Variants in PLEC observed in about 807,000 individuals in gnomAD.
The protein encoded by PLEC is plectin, also known as hemidesmosomal protein 1.
In PLEC, 216 loss-of-function variants were observed where a neutral mutation model predicts 392.8. That is an observed-to-expected ratio of 0.55 (90% CI 0.49 to 0.62). PLEC has a LOEUF of 0.62. PLEC is among the 20% of genes least tolerant of loss of function. PLEC has a pLI of 0.00. For synonymous variants in PLEC, 3,621 were observed against 2,980.6 expected (o/e 1.21, Z -7.00); for missense variants, 6,863 against 6,563.4 (o/e 1.05, Z -1.58).
rs1159883957 is a variant in PLEC, at chr8:143,933,467, C to T, written c.1264-116G>A. The T allele has an allele frequency of 4.9e-6, 6 of 1,224,906 alleles. No individual in the cohort carries two copies. In the African/African-American group the frequency reaches 8.9e-5, roughly 18 times the overall value. 75.9% of individuals were successfully genotyped at this position (1,224,906 alleles called of 1,614,324 possible). A position where few individuals can be genotyped will look rare whatever the true frequency, so the allele number is the denominator to read the frequency against. On this transcript the variant is annotated intron_variant, in intron 12 of 31. Transcript: ENST00000345136. ...CTCAGCCTCAGTGGGCCACTGCCTC[C>T]ATCCCTGTCCTTCCCCTTCCCTCCC...
chr8:143,975,984 C>G (rs2133011300), upstream of PLEC, among the ~76,000 whole-genome samples: 1 of 152,320 alleles, frequency 6.6e-6, no homozygotes, highest in Middle Eastern at 3.4e-3. This position sits in a 1 kb window ranked among gnomAD's most constrained non-coding sequence, Gnocchi z 9.9. Context: ...CCAAGCCCTT[C>G]CCCTGGACAC....
Position 143,938,622 on chromosome 8 carries a change from G to A in PLEC, c.174+9C>T, listed in dbSNP as rs1554725837. ...GCCCCTGTGACACGCACCAGCATGC[G>A]CCACCAACCTTGATGAGGTGCTTGT... On this transcript the variant is annotated intron_variant, in intron 2 of 31. Transcript: ENST00000345136. 14 of 1,612,720 alleles carry A rather than the reference G, an allele frequency of 8.7e-6. No individual in the cohort carries two copies. Among genetic ancestry groups the A allele is most frequent in the South Asian group, 4.4e-5 (4 of 91,062 alleles).
rs1416238155 is a variant in PLEC at position 143,917,719 on chromosome 8, G to A, written c.12102C>T (p.Ile4034=). 6.2e-7 allele frequency: 1 copy of A among 1,613,592 alleles called. No homozygotes were observed. Among genetic ancestry groups the A allele is most frequent in the Non-Finnish European group, 8.5e-7 (1 of 1,180,014 alleles). The change falls in exon 32 of 32, where the codon ATC becomes ATT. Residue 4034 remains isoleucine (I), a synonymous_variant. Transcript: ENST00000345136. ...SLFQAMKKGL[I]LKDHGIRLLE... ...GCAGGCGGATGCCATGGTCCTTCAG[G>A]ATCAGGCCCTTCTTCATGGCCTGGA...
Position 143,934,403 on chromosome 8 carries a change from G to T in PLEC, c.1084C>A (p.His362Asn). 1 of 1,612,316 alleles carries T rather than the reference G, an allele frequency of 6.2e-7. No individual in the cohort carries two copies. Among genetic ancestry groups the T allele is most frequent in the Non-Finnish European group, 8.5e-7 (1 of 1,179,900 alleles). The change falls in exon 11 of 32, where the codon CAC (histidine) becomes AAC (asparagine). Residue 362 changes from histidine (H) to asparagine (N), a missense_variant. His to Asn is a moderately conservative substitution (Grantham distance 68). Coordinates refer to ENST00000345136, the MANE Select transcript of PLEC (RefSeq NM_201384.3). ...CACTCCTTCTCCACATCCAGCGGGTGGTAGCCAGGGGGCACCTTGAGCTGG... is the reference window on the plus strand; with the variant it reads ...CACTCCTTCTCCACATCCAGCGGGTTGTAGCCAGGGGGCACCTTGAGCTGG... ...AGQLKVPPGY[H>N]PLDVEKEWGK...
upstream of PLEC, chr8:143,958,853 T>G: frequency 4.0e-6 from 1 of 250,514 alleles, no homozygotes; most frequent in Middle Eastern, 5.7e-4. This position sits in a 1 kb window ranked among gnomAD's most constrained non-coding sequence, Gnocchi z 4.9. Context: ...CACGAAGGTG[T>G]CACCACAGGA....
Position 143,916,327 on chromosome 8 carries a change from C to CCGGGAGCCGGTGCGCGAGCCGGTG in PLEC, c.13470_13493dup (p.Thr4491_Arg4498dup). ...CAAAGCTGCCGCGGCGGGAGCCGGC[C>CCGGGAGCCGGTGCGCGAGCCGGTG]CGGGAGCCGGTGCGCGAGCCGGTGC... On this transcript the variant is annotated inframe_insertion, in exon 32 of 32. Transcript: ENST00000345136. 6.3e-7 allele frequency: 1 copy of CCGGGAGCCGGTGCGCGAGCCGGTG among 1,590,956 alleles called. No individual in the cohort carries two copies. Among genetic ancestry groups the CCGGGAGCCGGTGCGCGAGCCGGTG allele is most frequent in the Non-Finnish European group, 8.5e-7 (1 of 1,171,090 alleles).
chr8:143,927,171 T>A, intron 28 of PLEC, 81 bp downstream of exon 28: 1 of 1,570,124 alleles, frequency 6.4e-7, no homozygotes, highest in Non-Finnish European at 8.8e-7. Context: ...TTCCCTGGCA[T>A]GGCCCAGGCT....
Position 143,919,248 on chromosome 8 carries a change from G to A in PLEC, c.10573C>T (p.Gln3525Ter), listed in dbSNP as rs781837529. The A allele has an allele frequency of 3.7e-6, 6 of 1,613,980 alleles. No homozygotes were observed. The highest frequency in any genetic ancestry group is 4.5e-5 in the East Asian group (2 of 44,870). The stretch of plus-strand genomic sequence containing the variant: ...TCCTCCACGCACCGCTCCAGCAGCT[G>A]CCTGTACGTGAGGTTCTCATGCGTG... ...PNTHENLTYR[Q>*]LLERCVEDPE... Residue 3525 changes from glutamine (Q) to a stop codon, truncating the protein, a stop_gained, in exon 32 of 32, where the codon CAG becomes TAG. Coordinates refer to ENST00000345136, the MANE Select transcript of PLEC (RefSeq NM_201384.3). LOFTEE classifies it high-confidence loss of function.
chr8:143,938,545 G>A, intron 2 of PLEC, 86 bp downstream of exon 2: 4 of 1,548,670 alleles, frequency 2.6e-6, no homozygotes, highest in Middle Eastern at 1.7e-4. Context: ...GCAGCATGGG[G>A]ACAGCCTTGG....
At chr8:143,938,787 GTC>G in intron 1 of PLEC, 95 bp from the exon 2 acceptor site, 1 of 1,103,024 alleles carries the variant, frequency 9.1e-7, no homozygotes, top group Non-Finnish European at 1.4e-6. Context: ...GGCTGGCCAG[GTC>G]CTGCCTGGGG....
At chr8:143,940,946 T>C (rs1830351174), upstream of PLEC, among the ~76,000 whole-genome samples, 1 of 152,202 alleles carries the variant, frequency 6.6e-6, no homozygotes, top group Non-Finnish European at 1.5e-5. Context: ...CCTCTTGCTC[T>C]GCCTGTCCGG....
upstream of PLEC, chr8:143,973,543 C>T: frequency 8.7e-7 from 1 of 1,148,516 alleles, no homozygotes; most frequent in Non-Finnish European, 1.1e-6. The surrounding 1 kb of genome is among the most constrained non-coding windows in gnomAD (Gnocchi z 5.6). Flanking sequence ...CCCGCGGCCG[C>T]GCGCGCCGCT....
upstream of PLEC, among the ~76,000 whole-genome samples, chr8:143,941,853 G>A (rs112112264): frequency 8.4e-3 from 1,282 of 152,184 alleles, 23 homozygotes; most frequent in African/African-American, 0.029. Context: ...CACCTGTGCT[G>A]TCCAGGGCTG....
chr8:143,959,792 T>G (rs371747231), intron 1 of PLEC, among the ~76,000 whole-genome samples: 130 of 151,624 alleles, frequency 8.6e-4, no homozygotes, highest in Non-Finnish European at 5.7e-4. Context: ...GTCAGGAGAT[T>G]GAGACCATCC....
Position 143,923,674 on chromosome 8 carries a change from C to G in PLEC, c.6255G>C (p.Ala2085=), listed in dbSNP as rs147916296. The G allele has an allele frequency of 6.4e-7, 1 of 1,553,094 alleles. No homozygotes were observed. The highest frequency in any genetic ancestry group is 8.7e-7 in the Non-Finnish European group (1 of 1,155,950). The change falls in exon 31 of 32, where the codon GCG becomes GCC. Residue 2085 remains alanine, a synonymous_variant. Coordinates refer to ENST00000345136, the MANE Select transcript of PLEC (RefSeq NM_201384.3). ...CCGCCTCCTCAGCCGCCCGCCGGGC[C>G]GCCTCCGCCTCGCCGCGCAGCTGGT... The part of the protein sequence containing the change: ...VLDQLRGEAE[A]ARRAAEEAEE...
At position 143,950,204 on chromosome 8, in the gene PLEC, G is replaced by GGGCCT. The variant is rs1564208657; in HGVS notation, c.498_502dup (p.Pro168GlnfsTer87). On this transcript the variant is annotated frameshift_variant, in exon 1 of 32. Transcript: ENST00000322810. LOFTEE classifies it high-confidence loss of function. ...CTGACCTGTGGCTGGGGCAGGCTCC[G>GGGCCT]GGCCTGGCCTGGCCAGGGTCCGCTG... 1 of 1,538,260 alleles carries GGGCCT rather than the reference G, an allele frequency of 6.5e-7. No individual in the cohort carries two copies. Among genetic ancestry groups the GGGCCT allele is most frequent in the South Asian group, 1.2e-5 (1 of 83,190 alleles).
chr8:143,942,950 C>T (rs1432810660), upstream of PLEC, among the ~76,000 whole-genome samples: 3 of 152,144 alleles, frequency 2.0e-5, no homozygotes, highest in Non-Finnish European at 4.4e-5. Flanking sequence ...GGACCGTGGC[C>T]GAAGGGGGCA....
At chr8:143,946,018 C>G (rs1172849899) in intron 1 of PLEC, among the ~76,000 whole-genome samples, 1 of 152,256 alleles carries the variant, frequency 6.6e-6, no homozygotes, top group East Asian at 1.9e-4. Flanking sequence ...GCCGACAGGC[C>G]GGACGTTTCA....
chr8:143,941,556 C>T (rs1318208259), upstream of PLEC, among the ~76,000 whole-genome samples: 1 of 151,992 alleles, frequency 6.6e-6, no homozygotes, highest in African/African-American at 2.4e-5. Context: ...GGGCTGGGGG[C>T]TCGGTCAGGG....
Sources: gnomAD v4.1 joint callset for allele counts (sites outside exome capture counted in the v4.1 genomes callset) on GRCh38, gnomAD v4.1.1 for gene constraint, Gnocchi (gnomAD v3.1) non-coding constraint, MANE v1.5 for transcripts, NCBI Gene and HGNC (gene_info 2026-07-23, HGNC 2026-07-21) for gene names.